The following CCDC171 variants were observed in gnomAD, a reference collection of about 807,000 sequenced individuals.
CCDC171 encodes coiled-coil domain containing 171.
Under a neutral mutation model 168.2 loss-of-function variants are expected in CCDC171, and 177 were observed. The observed-to-expected ratio is 1.05, with a 90% CI of 0.93 to 1.19. CCDC171 has a LOEUF of 1.19. Among genes scored for constraint, CCDC171 ranks in the 50% most tolerant of loss-of-function variants. CCDC171 has a pLI of 0.00. For missense variants in CCDC171, 1,991 were observed against 1,539.0 expected, an observed-to-expected ratio of 1.29 and a Z score of -4.91; for synonymous variants, 687 against 540.8, an observed-to-expected ratio of 1.27 and a Z score of -3.75.
chr9:15,814,590 G>C (rs1466599038), intron 21 of CCDC171, among the ~76,000 whole-genome samples: 1 of 151,118 alleles, frequency 6.6e-6, no homozygotes, highest in Non-Finnish European at 1.5e-5. Flanking sequence ...TACAATTGTA[G>C]CTAAAGTTTT....
At chr9:15,734,900 C>A (rs2054389288) in intron 16 of CCDC171, among the ~76,000 whole-genome samples, 1 of 152,070 alleles carries the variant, frequency 6.6e-6, no homozygotes, top group Non-Finnish European at 1.5e-5. Flanking sequence ...ATGAGCATAA[C>A]CATAAGTATA....
chr9:15,920,476 T>C, intron 25 of CCDC171, 54 bp downstream of exon 25: 1 of 1,283,844 alleles, frequency 7.8e-7, no homozygotes, highest in South Asian at 1.6e-5. Flanking sequence ...GGGTTACATT[T>C]ACATTTATGT....
intron 21 of CCDC171, among the ~76,000 whole-genome samples, chr9:15,788,198 T>A (rs147822444): frequency 7.0e-4 from 106 of 152,326 alleles, no homozygotes; most frequent in African/African-American, 2.5e-3. Flanking sequence ...GGAACAAGTA[T>A]TCCTGAATTC....
intron 17 of CCDC171, among the ~76,000 whole-genome samples, chr9:15,745,222 G>A (rs1169026763): frequency 6.6e-6 from 1 of 152,142 alleles, no homozygotes; most frequent in Non-Finnish European, 1.5e-5. Flanking sequence ...GTTGTGTTTT[G>A]AATGCATAAC....
chr9:15,752,122 G>A (rs4741539), intron 18 of CCDC171, among the ~76,000 whole-genome samples: 143,910 of 152,318 alleles, frequency 0.94, 68,032 homozygotes, highest in East Asian at 1. Context: ...TCTCAAAAGA[G>A]GACATTTATA....
At position 15,719,413 on chromosome 9, in the gene CCDC171, GGAAAGA is replaced by G. The variant is rs1202851462; in HGVS notation, c.1319-2353_1319-2348del. Among the ~76,000 whole-genome samples, 8 of 63,132 alleles carry G rather than the reference GGAAAGA, an allele frequency of 1.3e-4. No homozygotes were observed. In the East Asian group the frequency reaches 4.5e-3, roughly 36 times the overall value. The allele number at this position is 63,132 out of a possible 152,430, so 41.4% of individuals were successfully genotyped here. A position where few individuals can be genotyped will look rare whatever the true frequency, so the allele number is the denominator to read the frequency against. On this transcript the variant is annotated intron_variant, in intron 11 of 25. Transcript: ENST00000380701. The stretch of plus-strand genomic sequence containing the variant: ...GCGGGGGGGTGGGGGGCGGGGCGGG[GGAAAGA>G]GAGAGAGAGAGAGAGAGAGAGAGAG...
At chr9:15,811,913 G>T (rs1563786398) in intron 21 of CCDC171, among the ~76,000 whole-genome samples, 1 of 152,298 alleles carries the variant, frequency 6.6e-6, no homozygotes, top group East Asian at 1.9e-4. Context: ...ACTGGTATCA[G>T]GGCTGGAAAG....
In CCDC171 at chr9:16,050,265, T is replaced by G. The variant is rs1586861765; in HGVS notation, n.89+7379T>G. Among the ~76,000 whole-genome samples the G allele has an allele frequency of 6.6e-5, 10 of 152,336 alleles. No individual in the cohort carries two copies. The South Asian group carries it at 1.9e-3, about 28-fold the overall frequency. On this transcript the variant is annotated intron_variant and non_coding_transcript_variant, in intron 1 of 1. Coordinates refer to the CCDC171 transcript ENST00000478913. The stretch of plus-strand genomic sequence containing the variant: ...TCAAGTGTATGAGGCTACTTAATGG[T>G]AAAGGATAAATGTTTAAAGGCTAAT...
intron 8 of CCDC171, 181 bp downstream of exon 8, chr9:15,657,400 G>C (rs1005656201): frequency 6.8e-6 from 3 of 444,022 alleles, no homozygotes; most frequent in African/African-American, 4.0e-5. Flanking sequence ...TAGTGGAGGA[G>C]TTGGCACACT....
rs576080250 is a variant in CCDC171, at chr9:16,049,308, T to A, written n.89+6422T>A. 2.0e-5 allele frequency among the ~76,000 whole-genome samples: 3 copies of A among 152,274 alleles called. No homozygotes were observed. In the South Asian group the frequency reaches 6.2e-4, roughly 32 times the overall value. Reference sequence around the variant, plus strand: ...GAGGGGTAGAATTGTGGACTTAATTTTAGGTGTCAATTTGACTGAATTAAG... The same window carrying A: ...GAGGGGTAGAATTGTGGACTTAATTATAGGTGTCAATTTGACTGAATTAAG... On this transcript the variant is annotated intron_variant and non_coding_transcript_variant, in intron 1 of 1. Coordinates refer to the CCDC171 transcript ENST00000478913.
At chr9:15,754,100 C>T (rs184332281) in intron 18 of CCDC171, among the ~76,000 whole-genome samples, 20 of 152,068 alleles carry the variant, frequency 1.3e-4, no homozygotes, top group East Asian at 9.6e-4. Context: ...AAAGTTAAAG[C>T]GTATGAGTAG....
intron 1 of CCDC171, among the ~76,000 whole-genome samples, chr9:16,046,995 C>G (rs1833672443): frequency 6.6e-6 from 1 of 152,188 alleles, no homozygotes; most frequent in African/African-American, 2.4e-5. Context: ...GTAGCTGGGT[C>G]TTCTCCTACT....
downstream of CCDC171, among the ~76,000 whole-genome samples, chr9:15,976,662 C>A (rs12001138): frequency 0.078 from 11,728 of 151,142 alleles, 1,489 homozygotes; most frequent in African/African-American, 0.27. Context: ...GAATTATATA[C>A]TTTAAATTAA....
chr9:15,889,669 A>AT lies in CCDC171; in HGVS notation c.3600+15012dup, dbSNP rs1199993098. On this transcript the variant is annotated intron_variant, in intron 24 of 25. Transcript: ENST00000380701. ...GCCAGTAGGAATCCTCTGAGGCATTATTTTTTGGGCCCCTCCCACTTTATG... is the reference window on the plus strand; with the variant it reads ...GCCAGTAGGAATCCTCTGAGGCATTATTTTTTTGGGCCCCTCCCACTTTATG... Among the ~76,000 whole-genome samples, 8 of 152,282 alleles carry AT rather than the reference A, an allele frequency of 5.3e-5. No homozygotes were observed. The East Asian group carries it at 1.4e-3, about 26-fold the overall frequency.
intron 3 of CCDC171, among the ~76,000 whole-genome samples, chr9:15,984,870 A>G (rs1217443358): frequency 6.6e-6 from 1 of 152,168 alleles, no homozygotes; most frequent in Non-Finnish European, 1.5e-5. Context: ...TAAAGTCACT[A>G]TGGACTTTTG....
At chr9:15,566,534 G>C (rs777753550) in intron 2 of CCDC171, among the ~76,000 whole-genome samples, 7 of 152,206 alleles carry the variant, frequency 4.6e-5, no homozygotes, top group Non-Finnish European at 8.8e-5. Flanking sequence ...ACTTGAGCCA[G>C]GGTGACAGAG....
intron 18 of CCDC171, among the ~76,000 whole-genome samples, chr9:15,773,197 A>G (rs2057105354): frequency 6.6e-6 from 1 of 152,154 alleles, no homozygotes; most frequent in African/African-American, 2.4e-5. Context: ...TTTGAGTAGC[A>G]GTTGATTTAT....
At chr9:15,849,512 T>G (rs2061038649) in intron 23 of CCDC171, among the ~76,000 whole-genome samples, 3 of 151,606 alleles carry the variant, frequency 2.0e-5, no homozygotes. Flanking sequence ...TAATTTGTAG[T>G]GATGAACAGC....
chr9:15,835,719 G>A (rs138968970), intron 21 of CCDC171, among the ~76,000 whole-genome samples: 15 of 152,222 alleles, frequency 9.9e-5, no homozygotes, highest in Non-Finnish European at 5.9e-5. Context: ...GAGCCACTGC[G>A]CCTGGCTGTC....
Sources: gnomAD v4.1 joint callset for allele counts (sites outside exome capture counted in the v4.1 genomes callset) on GRCh38, gnomAD v4.1.1 for gene constraint, MANE v1.5 for transcripts, NCBI Gene and HGNC (gene_info 2026-07-23, HGNC 2026-07-21) for gene names.